Variants in PCBP3 observed in about 807,000 individuals in gnomAD.
The protein encoded by PCBP3 is poly(rC) binding protein 3.
PCBP3 carries 25 observed loss-of-function variants against 52.7 expected under a neutral mutation model. The ratio of observed to expected loss-of-function variants is 0.47; its 90% confidence interval spans 0.35 to 0.66. The LOEUF (loss-of-function observed/expected upper bound fraction) is 0.66, where lower values mean the gene tolerates loss of function less well. PCBP3 is among the 30% of genes least tolerant of loss of function. The pLI, the probability that PCBP3 is intolerant of heterozygous loss-of-function variation, is 0.01. For synonymous variants in PCBP3, 162 were observed against 183.0 expected, an observed-to-expected ratio of 0.89 and a Z score of 0.93; for missense variants, 391 against 490.3, an observed-to-expected ratio of 0.80 and a Z score of 1.91.
intron 2 of PCBP3, among the ~76,000 whole-genome samples, chr21:45,725,460 A>T (rs2838986): frequency 6.6e-6 from 1 of 152,146 alleles, no homozygotes; most frequent in Non-Finnish European, 1.5e-5. Flanking sequence ...CAGCAAGCTT[A>T]TCCTTAACAA....
At chr21:45,919,482 G>A (rs986188981) in intron 13 of PCBP3, 1 of 152,214 alleles carries the variant, frequency 6.6e-6, no homozygotes, top group African/African-American at 2.4e-5. Context: ...ATATAGAGAT[G>A]CAATTTACTA....
At chr21:45,798,027 T>G (rs2092078305) in intron 4 of PCBP3, among the ~76,000 whole-genome samples, 1 of 143,290 alleles carries the variant, frequency 7.0e-6, no homozygotes, top group Non-Finnish European at 1.5e-5. Context: ...GATGCGTACA[T>G]GGATGAATGC....
chr21:45,646,607 C>G (rs1294495582), intron 1 of PCBP3, among the ~76,000 whole-genome samples: 1 of 152,226 alleles, frequency 6.6e-6, no homozygotes, highest in Non-Finnish European at 1.5e-5. Flanking sequence ...CCCACTAATC[C>G]ATTAACCCAT....
chr21:45,789,217 C>A (rs764952202), intron 4 of PCBP3, among the ~76,000 whole-genome samples: 11 of 152,174 alleles, frequency 7.2e-5, no homozygotes, highest in Non-Finnish European at 1.6e-4. Flanking sequence ...TGCAAATGTG[C>A]ATGCATGTTT....
chr21:45,841,238 C>A (rs571776077), intron 4 of PCBP3, among the ~76,000 whole-genome samples: 1 of 151,382 alleles, frequency 6.6e-6, no homozygotes, highest in Non-Finnish European at 1.5e-5. Context: ...CAGCAGGAAT[C>A]GCGGTTGTAT....
rs950554186 is a variant in PCBP3 at position 45,722,979 on chromosome 21, A to G, written c.-199-12413A>G. Among the ~76,000 whole-genome samples, 10 of 151,800 alleles carry G rather than the reference A, an allele frequency of 6.6e-5. No individual in the cohort carries two copies. The East Asian group carries it at 9.7e-4, about 15-fold the overall frequency. On this transcript the variant is annotated intron_variant, in intron 2 of 17. Transcript: ENST00000681687. ...CAGTGAGCTGATAGCGCACCACTGC[A>G]CTCCAGCCTGGATGACCCAGCAAGA...
Position 45,646,579 on chromosome 21 carries a change from G to C in PCBP3, c.-279+2711G>C, listed in dbSNP as rs149690054. On this transcript the variant is annotated intron_variant, in intron 1 of 17. Transcript: ENST00000681687. ...TAAGGTCCGGGGGCCAAAGCCACCA[G>C]CTCCACTCCCATGACAACCCACTAA... Among the ~76,000 whole-genome samples, 31 of 152,330 alleles carry C rather than the reference G, an allele frequency of 2.0e-4. No individual in the cohort carries two copies. The East Asian group carries it at 6.0e-3, about 29-fold the overall frequency.
intron 13 of PCBP3, among the ~76,000 whole-genome samples, chr21:45,925,522 T>C (rs1270870681): frequency 6.6e-6 from 1 of 152,218 alleles, no homozygotes; most frequent in Non-Finnish European, 1.5e-5. Flanking sequence ...GCTGCCAGAC[T>C]ATATTTTTAA....
At position 45,893,490 on chromosome 21, in the gene PCBP3, C is replaced by T. The variant is rs568715817; in HGVS notation, c.11-2718C>T. Among the ~76,000 whole-genome samples the T allele has an allele frequency of 7.2e-5, 7 of 97,218 alleles. No individual in the cohort carries two copies. The South Asian group carries it at 9.1e-4, about 13-fold the overall frequency. 63.8% of individuals were successfully genotyped at this position (97,218 alleles called of 152,430 possible). A position where few individuals can be genotyped will look rare whatever the true frequency, so the allele number is the denominator to read the frequency against. On this transcript the variant is annotated intron_variant, in intron 5 of 17. Coordinates refer to ENST00000681687, the MANE Select transcript of PCBP3 (RefSeq NM_001384156.1). Reference sequence around the variant, plus strand: ...GTGGCCACAGCTGTAGGCTGCATCCCCTGGGAGCTGGGGTGCAGAGTGTGT... The same window carrying T: ...GTGGCCACAGCTGTAGGCTGCATCCTCTGGGAGCTGGGGTGCAGAGTGTGT...
intron 1 of PCBP3, among the ~76,000 whole-genome samples, chr21:45,652,064 TA>T (rs2079720753): frequency 6.6e-6 from 1 of 152,258 alleles, no homozygotes; most frequent in South Asian, 2.1e-4. Flanking sequence ...CCTATCTTTG[TA>T]AATCCTTTTC....
At chr21:45,838,563 T>G (rs778914087) in intron 4 of PCBP3, among the ~76,000 whole-genome samples, 6 of 152,150 alleles carry the variant, frequency 3.9e-5, no homozygotes, top group Non-Finnish European at 7.3e-5. Flanking sequence ...AAGATAAATA[T>G]TTTTAAATCA....
intron 2 of PCBP3, among the ~76,000 whole-genome samples, chr21:45,725,130 T>G (rs1254113390): frequency 2.0e-5 from 3 of 152,096 alleles, no homozygotes; most frequent in Non-Finnish European, 4.4e-5. Context: ...GATGCTAGGA[T>G]GTGTTTGCAA....
chr21:45,670,207 G>A (rs2081088135), intron 2 of PCBP3, among the ~76,000 whole-genome samples: 1 of 152,056 alleles, frequency 6.6e-6, no homozygotes, highest in African/African-American at 2.4e-5. Context: ...CTAATGATTA[G>A]TAATGTTGAC....
chr21:45,809,630 C>T (rs1174730002), intron 4 of PCBP3, among the ~76,000 whole-genome samples: 1 of 152,200 alleles, frequency 6.6e-6, no homozygotes, highest in Non-Finnish European at 1.5e-5. Context: ...GCCCCGCTTC[C>T]CCCCTGCCGC....
intron 3 of PCBP3, among the ~76,000 whole-genome samples, chr21:45,751,842 G>A (rs895613099): frequency 6.6e-6 from 1 of 152,204 alleles, no homozygotes; most frequent in Non-Finnish European, 1.5e-5. Flanking sequence ...CCTGAACAGC[G>A]TAGCTCAGCG....
chr21:45,699,437 G>A (rs946841385), intron 2 of PCBP3, among the ~76,000 whole-genome samples: 1 of 152,168 alleles, frequency 6.6e-6, no homozygotes, highest in Admixed American at 6.5e-5. Flanking sequence ...CCCGCTTCCT[G>A]TTTGTTACTA....
chr21:45,841,658 T>C (rs1332348147), intron 4 of PCBP3, among the ~76,000 whole-genome samples: 2 of 152,234 alleles, frequency 1.3e-5, no homozygotes, highest in African/African-American at 4.8e-5. Flanking sequence ...TTACTTCTTT[T>C]TGGTAGTGTT....
intron 1 of PCBP3, among the ~76,000 whole-genome samples, chr21:45,651,418 A>T (rs902463612): frequency 6.6e-6 from 1 of 152,250 alleles, no homozygotes; most frequent in African/African-American, 2.4e-5. Flanking sequence ...CCTTAATCTT[A>T]GCACAAAAGG....
intron 6 of PCBP3, among the ~76,000 whole-genome samples, chr21:45,896,889 G>T (rs59973083): frequency 9.5e-6 from 1 of 105,654 alleles, no homozygotes; most frequent in African/African-American, 5.1e-5. Flanking sequence ...ACATAGAACC[G>T]GAGATGCACT....
Sources: gnomAD v4.1 joint callset for allele counts (sites outside exome capture counted in the v4.1 genomes callset) on GRCh38, gnomAD v4.1.1 for gene constraint, MANE v1.5 for transcripts, NCBI Gene and HGNC (gene_info 2026-07-23, HGNC 2026-07-21) for gene names.